The following CAMK1D variants were observed in gnomAD, a reference collection of about 807,000 sequenced individuals.
CAMK1D encodes calcium/calmodulin dependent protein kinase ID, also known as calcium/calmodulin-dependent protein kinase type 1D.
CAMK1D carries 9 observed loss-of-function variants against 47.7 expected under a neutral mutation model. The ratio of observed to expected loss-of-function variants is 0.19; its 90% confidence interval spans 0.11 to 0.33. The LOEUF is 0.33. Ranked by LOEUF, CAMK1D falls within the 10% of genes least tolerant of loss-of-function variation. The probability of loss-of-function intolerance (pLI) is 1.00; values close to 1 mark genes in which losing one functional copy is unlikely to be tolerated. For synonymous variants in CAMK1D, 184 were observed against 184.9 expected, an observed-to-expected ratio of 0.99 and a Z score of 0.04; for missense variants, 291 against 488.7, an observed-to-expected ratio of 0.60 and a Z score of 3.81.
intron 1 of CAMK1D, among the ~76,000 whole-genome samples, chr10:12,528,038 A>G (rs1264402175): frequency 6.6e-6 from 1 of 152,232 alleles, no homozygotes; most frequent in East Asian, 1.9e-4. Flanking sequence ...TAAGGGCCAG[A>G]CACTGTTCTG....
At chr10:12,694,721 A>C (rs1334300043) in intron 3 of CAMK1D, among the ~76,000 whole-genome samples, 1 of 150,830 alleles carries the variant, frequency 6.6e-6, no homozygotes, top group Non-Finnish European at 1.5e-5. Context: ...GTTTATTTTA[A>C]TCACCCAAGA....
chr10:12,684,900 T>C (rs1487329254), intron 3 of CAMK1D, among the ~76,000 whole-genome samples: 1 of 152,156 alleles, frequency 6.6e-6, no homozygotes, highest in Non-Finnish European at 1.5e-5. Context: ...TATATAATGC[T>C]CCAACTAGAA....
intron 1 of CAMK1D, among the ~76,000 whole-genome samples, chr10:12,418,289 C>T (rs1199303621): frequency 6.6e-6 from 1 of 152,182 alleles, no homozygotes; most frequent in African/African-American, 2.4e-5. Context: ...AAGAAGAAAG[C>T]TTGGCCAGCT....
intron 2 of CAMK1D, among the ~76,000 whole-genome samples, chr10:12,607,077 C>T (rs1312510890): frequency 2.0e-5 from 3 of 152,160 alleles, no homozygotes; most frequent in Non-Finnish European, 2.9e-5. Flanking sequence ...CCACCCACCT[C>T]GGCCTCCCAA....
At chr10:12,448,318 C>T (rs1037637440) in intron 1 of CAMK1D, among the ~76,000 whole-genome samples, 1 of 150,976 alleles carries the variant, frequency 6.6e-6, no homozygotes, top group African/African-American at 2.4e-5. Context: ...AGCCACGATG[C>T]CTGGATTTTT....
chr10:12,544,963 G>T (rs1370785989), intron 1 of CAMK1D, among the ~76,000 whole-genome samples: 4 of 152,182 alleles, frequency 2.6e-5, no homozygotes, highest in African/African-American at 9.6e-5. Context: ...TGCAGCACAG[G>T]AGAAGGGTGA....
intron 3 of CAMK1D, among the ~76,000 whole-genome samples, chr10:12,747,759 C>G (rs1001257751): frequency 1.3e-5 from 2 of 152,114 alleles, no homozygotes; most frequent in African/African-American, 4.8e-5. Flanking sequence ...CCAGCAGGCT[C>G]GAGTCCTGGG....
chr10:12,820,808 G>A lies in CAMK1D; in HGVS notation c.834-3657G>A, dbSNP rs568263705. On this transcript the variant is annotated intron_variant, in intron 8 of 10. Coordinates refer to ENST00000619168, the MANE Select transcript of CAMK1D (RefSeq NM_153498.4). ...CCCGCCCCTTTCACTGAGCATTGCT[G>A]TTCTCTCTGTGGTGTGTGCTCAGGT... 7.6e-4 allele frequency among the ~76,000 whole-genome samples: 115 copies of A among 152,316 alleles called. 1 individual carries two copies. The highest frequency in any genetic ancestry group is 2.7e-3 in the African/African-American group (112 of 41,578).
At chr10:12,522,774 C>G (rs1045998549) in intron 1 of CAMK1D, among the ~76,000 whole-genome samples, 1 of 149,610 alleles carries the variant, frequency 6.7e-6, no homozygotes, top group Non-Finnish European at 1.5e-5. Context: ...GAAGGGGCGG[C>G]CGGGCAGAGG....
chr10:12,368,998 A>G (rs115605191), intron 1 of CAMK1D, among the ~76,000 whole-genome samples: 3,215 of 151,942 alleles, frequency 0.021, 79 homozygotes, highest in African/African-American at 0.054. Context: ...TTTGTATTTT[A>G]TAGAGATGGG....
At chr10:12,403,295 C>A (rs866195052) in intron 1 of CAMK1D, among the ~76,000 whole-genome samples, 1 of 152,346 alleles carries the variant, frequency 6.6e-6, no homozygotes, top group Middle Eastern at 3.4e-3. Context: ...CCCTGCAGAA[C>A]TGCAGAATGG....
At chr10:12,555,007 G>A (rs1836717038) in intron 2 of CAMK1D, among the ~76,000 whole-genome samples, 1 of 152,218 alleles carries the variant, frequency 6.6e-6, no homozygotes, top group South Asian at 2.1e-4. Context: ...CATGTTTGGA[G>A]TGTGTCTGAG....
intron 1 of CAMK1D, among the ~76,000 whole-genome samples, chr10:12,433,045 C>A (rs983469617): frequency 2.6e-5 from 4 of 152,204 alleles, no homozygotes; most frequent in African/African-American, 9.7e-5. Flanking sequence ...CAGATGTGTT[C>A]CGGGCATGGG....
At chr10:12,699,823 A>T (rs78417342) in intron 3 of CAMK1D, among the ~76,000 whole-genome samples, 5 of 152,316 alleles carry the variant, frequency 3.3e-5, no homozygotes, top group African/African-American at 1.2e-4. Context: ...TGATTTCACC[A>T]TTCCTCCACA....
At chr10:12,469,305 G>C (rs1833681241) in intron 1 of CAMK1D, among the ~76,000 whole-genome samples, 2 of 149,194 alleles carry the variant, frequency 1.3e-5, no homozygotes, top group African/African-American at 5.0e-5. Flanking sequence ...GAAGGTAGAG[G>C]TTCCCCCGCC....
chr10:12,623,528 CTT>C (rs1839113039), intron 2 of CAMK1D, among the ~76,000 whole-genome samples: 1 of 146,966 alleles, frequency 6.8e-6, no homozygotes, highest in African/African-American at 2.5e-5. Flanking sequence ...CTCTTCCTTC[CTT>C]TTTCCCCCTC....
intron 2 of CAMK1D, among the ~76,000 whole-genome samples, chr10:12,622,747 G>A (rs1188735773): frequency 1.3e-5 from 2 of 152,066 alleles, no homozygotes; most frequent in Non-Finnish European, 2.9e-5. Context: ...GGTGGCATCA[G>A]TCAGACCTAA....
At chr10:12,350,664 G>T (rs2131826377) in intron 1 of CAMK1D, among the ~76,000 whole-genome samples, 1 of 152,380 alleles carries the variant, frequency 6.6e-6, no homozygotes, top group African/African-American at 2.4e-5. Flanking sequence ...CTCCAAGCAT[G>T]TGCTGCTCAG....
chr10:12,516,568 T>A (rs1295814820), intron 1 of CAMK1D, among the ~76,000 whole-genome samples: 1 of 152,240 alleles, frequency 6.6e-6, no homozygotes, highest in African/African-American at 2.4e-5. Flanking sequence ...TGCTAAACTG[T>A]TTTCCAAAGC....
Sources: gnomAD v4.1 joint callset for allele counts (sites outside exome capture counted in the v4.1 genomes callset) on GRCh38, gnomAD v4.1.1 for gene constraint, MANE v1.5 for transcripts, NCBI Gene and HGNC (gene_info 2026-07-23, HGNC 2026-07-21) for gene names.